The following RPS29 variants were observed in gnomAD, a reference collection of about 807,000 sequenced individuals.
RPS29 encodes small ribosomal subunit protein uS14.
For missense variants in RPS29, 60 were observed against 75.7 expected (o/e 0.79, Z 0.77); for synonymous variants, 37 against 26.9 (o/e 1.37, Z -1.16).
exon 3 of RPS29, chr14:49,576,593 T>G (rs1301893836): frequency 2.0e-5 from 3 of 152,190 alleles, no homozygotes; most frequent in South Asian, 2.1e-4. Context: ...GCTTTAAAAC[T>G]GTTGAAGGCC....
intron 1 of RPS29, among the ~76,000 whole-genome samples, chr14:49,595,452 C>A (rs139938914): frequency 3.9e-5 from 6 of 152,058 alleles, no homozygotes; most frequent in African/African-American, 7.2e-5. Context: ...AACAAAAAAA[C>A]CACACACATC....
intron 1 of RPS29, among the ~76,000 whole-genome samples, chr14:49,593,650 G>C (rs550837860): frequency 1.5e-5 from 2 of 130,416 alleles, no homozygotes; most frequent in African/African-American, 5.7e-5. Flanking sequence ...CCGAGATCAC[G>C]GCATCGCACT....
chr14:49,586,228 T>G, intron 1 of RPS29, 57 bp downstream of exon 1: 1 of 1,575,664 alleles, frequency 6.3e-7, no homozygotes, highest in Non-Finnish European at 8.7e-7. Flanking sequence ...ACTTGAGATT[T>G]TAAGCAGCCT....
chr14:49,579,076 C>T (rs75556424), downstream of RPS29, among the ~76,000 whole-genome samples: 161 of 152,244 alleles, frequency 1.1e-3, 2 homozygotes, highest in East Asian at 0.017. Flanking sequence ...CCCATAAAAT[C>T]CACATGATGA....
downstream of RPS29, among the ~76,000 whole-genome samples, chr14:49,580,299 C>T (rs543323022): frequency 1.3e-5 from 2 of 152,330 alleles, no homozygotes; most frequent in Admixed American, 1.3e-4. Flanking sequence ...CTCATCCACT[C>T]TATCTGCAAT....
upstream of RPS29, among the ~76,000 whole-genome samples, chr14:49,590,835 C>T (rs115702776): frequency 6.1e-3 from 923 of 152,108 alleles, 18 homozygotes; most frequent in African/African-American, 0.021. Context: ...AGATCACAGG[C>T]GTGTGCCACC....
chr14:49,583,532 A>G, downstream of RPS29: 4 of 922,356 alleles, frequency 4.3e-6, no homozygotes, highest in South Asian at 7.8e-5. Flanking sequence ...GATTTCTATA[A>G]ACAATTAGCT....
chr14:49,586,543 C>T (rs956922654), upstream of RPS29: 2 of 608,250 alleles, frequency 3.3e-6, no homozygotes, highest in South Asian at 1.9e-5. Flanking sequence ...GTCACCATAC[C>T]ACAGCTTCTA....
chr14:49,581,977 C>T (rs1271257392), downstream of RPS29, among the ~76,000 whole-genome samples: 2 of 140,270 alleles, frequency 1.4e-5, no homozygotes, highest in East Asian at 4.0e-4. Context: ...CGCCACTGCA[C>T]TCCAGCTTGG....
At chr14:49,583,426 G>A (rs1030177675), downstream of RPS29, 2 of 334,184 alleles carry the variant, frequency 6.0e-6, no homozygotes, top group African/African-American at 2.2e-5. Flanking sequence ...GGCTGAGGCA[G>A]GAGGCTTGAA....
At chr14:49,586,164 G>C (rs1881543550) in intron 1 of RPS29, 115 bp from the exon 2 acceptor site, 1 of 1,383,592 alleles carries the variant, frequency 7.2e-7, no homozygotes, top group Non-Finnish European at 1.0e-6. Flanking sequence ...CTGTAATGGC[G>C]GCACCAGCGA....
chr14:49,586,157 T>C, intron 1 of RPS29, 108 bp from the exon 2 acceptor site: 5 of 1,367,720 alleles, frequency 3.7e-6, no homozygotes, highest in African/African-American at 2.9e-5. Flanking sequence ...TACAGGCCTG[T>C]AATGGCGGCA....
Position 49,586,331 on chromosome 14 carries a change from G to A in RPS29, c.16C>T (p.Leu6=). The A allele has an allele frequency of 1.9e-6, 3 of 1,613,950 alleles. No homozygotes were observed. The highest frequency in any genetic ancestry group is 2.5e-6 in the Non-Finnish European group (3 of 1,179,798). Residue 6 remains leucine (L), a synonymous_variant, in exon 1 of 3, where the codon CTG becomes TTG. Transcript: ENST00000245458. MGHQQ[L]YWSHPRKFGQ... ...AATTTTCGCGGGTGGCTCCAGTACAGCTGCTGGTGACCCATCTTGCTCTCA... is the reference window on the plus strand; with the variant it reads ...AATTTTCGCGGGTGGCTCCAGTACAACTGCTGGTGACCCATCTTGCTCTCA...
At chr14:49,598,402 G>A (rs1218446582) in exon 1 of RPS29, 3 of 690,196 alleles carry the variant, frequency 4.3e-6, no homozygotes, top group African/African-American at 1.8e-5. Context: ...CCACCTACCC[G>A]CCATGAAAAA....
intron 2 of RPS29, chr14:49,577,969 TA>T: frequency 1.4e-6 from 1 of 705,734 alleles, no homozygotes; most frequent in East Asian, 2.7e-5. Flanking sequence ...TATCAGGATC[TA>T]GATTGAGTGG....
At chr14:49,577,903 A>C (rs1352135713) in intron 2 of RPS29, 1 of 1,355,424 alleles carries the variant, frequency 7.4e-7, no homozygotes, top group Non-Finnish European at 1.0e-6. Context: ...AATGATGCCC[A>C]ACCAAATTCA....
chr14:49,594,230 T>G (rs1420819176), intron 1 of RPS29, among the ~76,000 whole-genome samples: 1 of 152,142 alleles, frequency 6.6e-6, no homozygotes, highest in African/African-American at 2.4e-5. Flanking sequence ...AAATCATCTT[T>G]TTACTGACCA....
intron 2 of RPS29, among the ~76,000 whole-genome samples, chr14:49,584,854 CAAT>C (rs1881467514): frequency 6.6e-6 from 1 of 151,286 alleles, no homozygotes; most frequent in Non-Finnish European, 1.5e-5. Flanking sequence ...CTCAAAGAGC[CAAT>C]AATAAATTCG....
exon 3 of RPS29, chr14:49,577,596 G>A (rs1881219099): frequency 2.9e-6 from 2 of 680,692 alleles, no homozygotes; most frequent in Non-Finnish European, 5.3e-6. Context: ...TGGGCAGTAT[G>A]TGCTTTGTCT....
Sources: allele counts gnomAD v4.1 joint callset (sites outside exome capture counted in the v4.1 genomes callset), GRCh38; gene constraint gnomAD v4.1.1; transcripts MANE v1.5; gene names NCBI Gene and HGNC (gene_info 2026-07-23, HGNC 2026-07-21).